ORC2: variants seen among roughly 807,000 people sequenced by gnomAD.
ORC2 encodes origin recognition complex protein 2 homolog.
In ORC2, 37 loss-of-function variants were observed where a neutral mutation model predicts 77.7. That is an observed-to-expected ratio of 0.48 (90% CI 0.37 to 0.63). The LOEUF (loss-of-function observed/expected upper bound fraction) is 0.63, where lower values mean the gene tolerates loss of function less well. ORC2 is among the 20% of genes least tolerant of loss of function. ORC2 has a pLI of 0.00. For synonymous variants in ORC2, 201 were observed against 229.5 expected (o/e 0.88, Z 1.12); for missense variants, 557 against 661.9 (o/e 0.84, Z 1.74).
At chr2:200,949,690 T>A (rs781349871) in intron 4 of ORC2, 47 bp from the exon 5 acceptor site, 2 of 1,152,398 alleles carry the variant, frequency 1.7e-6, no homozygotes, top group African/African-American at 3.1e-5. Flanking sequence ...AGAACAAAAT[T>A]AACAGAAAAA....
At chr2:200,920,922 G>C (rs1303636788) in intron 14 of ORC2, 71 bp downstream of exon 14, 4 of 1,143,360 alleles carry the variant, frequency 3.5e-6, no homozygotes, top group Non-Finnish European at 4.6e-6. Context: ...AAAATTTTCT[G>C]ATTTATATTA....
intron 13 of ORC2, among the ~76,000 whole-genome samples, chr2:200,923,938 C>T (rs2040800415): frequency 6.6e-6 from 1 of 151,980 alleles, no homozygotes; most frequent in Non-Finnish European, 1.5e-5. Context: ...GCAAAAGTAC[C>T]AAGAATATTG....
At chr2:200,946,381 T>A in intron 5 of ORC2, among the ~76,000 whole-genome samples, 1 of 152,168 alleles carries the variant, frequency 6.6e-6, no homozygotes, top group East Asian at 1.9e-4. Context: ...ACTGATATAT[T>A]TAGATGTAAA....
intron 15 of ORC2, among the ~76,000 whole-genome samples, chr2:200,914,388 G>A (rs556382669): frequency 1.3e-5 from 2 of 151,968 alleles, no homozygotes; most frequent in African/African-American, 4.8e-5. Context: ...GGATGGTCTC[G>A]ATCTCCTGAT....
chr2:200,952,831 C>T (rs1003244359), intron 4 of ORC2, among the ~76,000 whole-genome samples: 3 of 151,056 alleles, frequency 2.0e-5, no homozygotes, highest in Non-Finnish European at 4.4e-5. Context: ...AAAAAGCAGG[C>T]TGGGCATAAT....
intron 14 of ORC2, 23 bp downstream of exon 14, chr2:200,920,970 A>G: frequency 6.7e-7 from 1 of 1,495,512 alleles, no homozygotes; most frequent in Non-Finnish European, 9.0e-7. Context: ...CTCTAGAAGG[A>G]AAAATAGTAA....
chr2:200,962,386 G>C (rs556768645), intron 1 of ORC2, among the ~76,000 whole-genome samples: 29 of 152,308 alleles, frequency 1.9e-4, no homozygotes, highest in African/African-American at 7.0e-4. Context: ...AAGATTTGCT[G>C]TAATTTTTAA....
chr2:200,934,790 G>A (rs1241722765), intron 9 of ORC2, among the ~76,000 whole-genome samples: 1 of 152,168 alleles, frequency 6.6e-6, no homozygotes, highest in Non-Finnish European at 1.5e-5. Flanking sequence ...CACACTATTT[G>A]TTCTTCTGAT....
At chr2:200,929,836 A>T (rs1385349588) in intron 11 of ORC2, among the ~76,000 whole-genome samples, 2 of 152,134 alleles carry the variant, frequency 1.3e-5, no homozygotes, top group Non-Finnish European at 2.9e-5. Context: ...GCCATAGGCA[A>T]CTACACAAAT....
At position 200,949,628 on chromosome 2, in the gene ORC2, C is replaced by T; in HGVS notation, c.254G>A (p.Gly85Asp). ...TTTATTTCCACCACCTGTAGCAGAG[C>T]CATTTTTCAATGATTCTGAAAGAAA... ...GRDVQESLKNGSATGGGNKVY... is the reference protein window; with the variant it reads ...GRDVQESLKNDSATGGGNKVY... Residue 85 changes from glycine (G) to aspartate (D), a missense_variant, in exon 5 of 18, where the codon GGC becomes GAC. Transcript: ENST00000234296. 6.3e-7 allele frequency: 1 copy of T among 1,588,478 alleles called. No individual in the cohort carries two copies. Among genetic ancestry groups the T allele is most frequent in the Non-Finnish European group, 8.6e-7 (1 of 1,161,340 alleles).
At chr2:200,930,105 C>T (rs1204760620) in intron 11 of ORC2, among the ~76,000 whole-genome samples, 21 of 151,870 alleles carry the variant, frequency 1.4e-4, no homozygotes, top group Non-Finnish European at 4.4e-5. Flanking sequence ...ACACCAAGCA[C>T]TAGAGGTCAA....
chr2:200,956,253 AG>A (rs1297940307), intron 4 of ORC2, among the ~76,000 whole-genome samples: 7 of 151,588 alleles, frequency 4.6e-5, no homozygotes, highest in Non-Finnish European at 1.0e-4. Context: ...TTTTTGAGAC[AG>A]GGTCTCACTC....
chr2:200,963,439 G>A (rs2041620885), intron 1 of ORC2, 51 bp downstream of exon 1: 12 of 398,518 alleles, frequency 3.0e-5, no homozygotes. Context: ...CTCACACGCC[G>A]CGAGCTAAGC....
At chr2:200,926,044 G>T (rs1315964158) in intron 12 of ORC2, 112 bp from the exon 13 acceptor site, 1 of 430,980 alleles carries the variant, frequency 2.3e-6, no homozygotes, top group Non-Finnish European at 4.2e-6. Flanking sequence ...TTTCCCAAAA[G>T]TTTAAAAAAT....
intron 13 of ORC2, among the ~76,000 whole-genome samples, chr2:200,924,708 T>C (rs1249129093): frequency 6.6e-6 from 1 of 152,184 alleles, no homozygotes; most frequent in Admixed American, 6.5e-5. Context: ...TCTTAGTATA[T>C]AAAATTATCT....
intron 6 of ORC2, 48 bp downstream of exon 6, chr2:200,942,637 T>C: frequency 3.0e-6 from 3 of 1,012,510 alleles, no homozygotes; most frequent in African/African-American, 1.6e-5. Flanking sequence ...TGCTCTATCT[T>C]GAAGCAACTA....
At chr2:200,913,757 A>T (rs1436405100) in intron 16 of ORC2, 174 bp downstream of exon 16, 3 of 1,392,478 alleles carry the variant, frequency 2.2e-6, no homozygotes, top group Non-Finnish European at 2.8e-6. Context: ...CACCTTGCTC[A>T]GCAGTGGATC....
At chr2:200,918,849 A>G (rs2040705904) in intron 15 of ORC2, among the ~76,000 whole-genome samples, 1 of 151,616 alleles carries the variant, frequency 6.6e-6, no homozygotes, top group Non-Finnish European at 1.5e-5. Context: ...AAATTCATTT[A>G]CATTTTGACT....
Position 200,914,006 on chromosome 2 carries a change from A to AAAG in ORC2, c.1467-15_1467-14insCTT. The AAAG allele has an allele frequency of 6.5e-7, 1 of 1,529,212 alleles. No homozygotes were observed. The highest frequency in any genetic ancestry group is 2.3e-5 in the East Asian group (1 of 44,436). 94.7% of individuals were successfully genotyped at this position (1,529,212 alleles called of 1,614,324 possible). A position where few individuals can be genotyped will look rare whatever the true frequency, so the allele number is the denominator to read the frequency against. ...CTGAAAATTCCCCTAAAAAAAAAAA[A>AAAG]AAACAGGAATTTAAATCCAAAAATG... On this transcript the variant is annotated splice_polypyrimidine_tract_variant and intron_variant, in intron 15 of 17. Coordinates refer to ENST00000234296, the MANE Select transcript of ORC2 (RefSeq NM_006190.5).
Sources: allele counts gnomAD v4.1 joint callset (sites outside exome capture counted in the v4.1 genomes callset), GRCh38; gene constraint gnomAD v4.1.1; transcripts MANE v1.5; gene names NCBI Gene and HGNC (gene_info 2026-07-23, HGNC 2026-07-21).